ADAMTSL1: variants seen among roughly 807,000 people sequenced by gnomAD.
The protein encoded by ADAMTSL1 is ADAMTS-like protein 1.
A neutral mutation model predicts 201.8 loss-of-function variants in ADAMTSL1; 126 were observed. That is an observed-to-expected ratio of 0.62 (90% confidence interval 0.54 to 0.72). The LOEUF is 0.72. Ranked by LOEUF, ADAMTSL1 falls within the 30% of genes least tolerant of loss-of-function variation. ADAMTSL1 has a pLI of 0.00. For synonymous variants in ADAMTSL1, 1,121 were observed against 903.4 expected (o/e 1.24, Z -4.32); for missense variants, 2,679 against 2,277.8 (o/e 1.18, Z -3.59).
chr9:18,554,257 A>G (rs1820971155), intron 3 of ADAMTSL1, among the ~76,000 whole-genome samples: 1 of 151,166 alleles, frequency 6.6e-6, no homozygotes, highest in African/African-American at 2.4e-5. Flanking sequence ...AAATTTTTTT[A>G]TTTTGCATCC....
At chr9:18,617,504 G>C (rs1050920905) in intron 4 of ADAMTSL1, among the ~76,000 whole-genome samples, 31 of 151,624 alleles carry the variant, frequency 2.0e-4, no homozygotes, top group African/African-American at 6.5e-4. Context: ...TTTTGGCAGG[G>C]GGGAGGGGGC....
chr9:18,328,511 C>T (rs1459260658), intron 2 of ADAMTSL1, among the ~76,000 whole-genome samples: 1 of 152,136 alleles, frequency 6.6e-6, no homozygotes, highest in Non-Finnish European at 1.5e-5. Context: ...ATAAGTATCA[C>T]CCCATGTTTA....
chr9:18,846,244 C>G (rs895411008), intron 23 of ADAMTSL1, among the ~76,000 whole-genome samples: 5 of 152,082 alleles, frequency 3.3e-5, no homozygotes, highest in Admixed American at 3.3e-4. Context: ...CACTTAGAGT[C>G]TGATGGGAAA....
chr9:18,217,046 A>G (rs1830080769), intron 2 of ADAMTSL1, among the ~76,000 whole-genome samples: 1 of 152,152 alleles, frequency 6.6e-6, no homozygotes, highest in South Asian at 2.1e-4. Context: ...AATAAAGGAC[A>G]TGAGCTTTAA....
chr9:18,164,902 A>C (rs1827566284), intron 2 of ADAMTSL1, among the ~76,000 whole-genome samples: 2 of 151,824 alleles, frequency 1.3e-5, no homozygotes, highest in South Asian at 4.1e-4. Context: ...TTCACAAGGC[A>C]CTTCTTATTG....
At chr9:18,893,241 C>T (rs954562612) in intron 26 of ADAMTSL1, among the ~76,000 whole-genome samples, 1 of 152,078 alleles carries the variant, frequency 6.6e-6, no homozygotes, top group Admixed American at 6.5e-5. Flanking sequence ...CAAGACAGCT[C>T]TGGTTCCAGG....
At chr9:18,460,400 C>T (rs1286728155) in intron 2 of ADAMTSL1, among the ~76,000 whole-genome samples, 1 of 152,142 alleles carries the variant, frequency 6.6e-6, no homozygotes, top group Non-Finnish European at 1.5e-5. Context: ...TTTTCAATTT[C>T]AACTTCTTCA....
chr9:18,184,148 C>T (rs914224072), intron 2 of ADAMTSL1, among the ~76,000 whole-genome samples: 7 of 152,308 alleles, frequency 4.6e-5, no homozygotes, highest in Middle Eastern at 3.4e-3. Flanking sequence ...GTTCATTCCA[C>T]TTGCTGCATA....
intron 1 of ADAMTSL1, among the ~76,000 whole-genome samples, chr9:17,941,995 A>G (rs1182366523): frequency 6.6e-6 from 1 of 152,118 alleles, no homozygotes; most frequent in African/African-American, 2.4e-5. Flanking sequence ...GTCACATTGG[A>G]GGTTACAATT....
intron 4 of ADAMTSL1, among the ~76,000 whole-genome samples, chr9:18,596,422 A>T (rs963466450): frequency 1.4e-4 from 21 of 152,094 alleles, no homozygotes; most frequent in African/African-American, 5.1e-4. Flanking sequence ...CAATTTTTTC[A>T]TCTGTACAAA....
intron 2 of ADAMTSL1, among the ~76,000 whole-genome samples, chr9:18,510,449 T>C (rs529892022): frequency 2.0e-5 from 3 of 152,280 alleles, no homozygotes; most frequent in South Asian, 2.1e-4. Flanking sequence ...CAGTACTTGA[T>C]ACTGGAGAAA....
chr9:18,314,782 CTTTTTTTT>C (rs776046209), intron 2 of ADAMTSL1, among the ~76,000 whole-genome samples: 19 of 49,846 alleles, frequency 3.8e-4, no homozygotes, highest in African/African-American at 7.4e-4. Flanking sequence ...CGGCAGCGTG[CTTTTTTTT>C]TTTTTTTTTT....
chr9:18,819,092 G>C (rs147105316), intron 21 of ADAMTSL1, among the ~76,000 whole-genome samples: 3 of 152,172 alleles, frequency 2.0e-5, no homozygotes, highest in Admixed American at 1.3e-4. Flanking sequence ...ATGCTTTGGC[G>C]ATGAAACACT....
chr9:18,721,592 G>A lies in ADAMTSL1; in HGVS notation c.1933G>A (p.Glu645Lys), dbSNP rs1397184313. 6.2e-7 allele frequency: 1 copy of A among 1,613,960 alleles called. No individual in the cohort carries two copies. The highest frequency in any genetic ancestry group is 1.7e-5 in the Admixed American group (1 of 60,010). ...CAAACAGACTCGGGAGCCTGCTGAG[G>A]AGAACCTGTGCGTGACCAGCCGCCG... ...LNKQTREPAE[E>K]NLCVTSRRPP... The change falls in exon 15 of 29, where the codon GAG becomes AAG. Residue 645 changes from glutamate (E) to lysine (K), a missense_variant. Physicochemically the swap from Glu to Lys is moderately conservative, Grantham distance 56. Coordinates refer to ENST00000380548, the MANE Select transcript of ADAMTSL1 (RefSeq NM_001040272.6).
intron 1 of ADAMTSL1, among the ~76,000 whole-genome samples, chr9:18,492,087 A>G (rs1427998215): frequency 2.0e-5 from 3 of 152,328 alleles, no homozygotes; most frequent in South Asian, 4.1e-4. Flanking sequence ...TTGATAAAGG[A>G]CTTAATATGT....
At chr9:18,310,828 AT>A (rs1834122895) in intron 2 of ADAMTSL1, among the ~76,000 whole-genome samples, 1 of 152,182 alleles carries the variant, frequency 6.6e-6, no homozygotes, top group South Asian at 2.1e-4. Context: ...CAGAAATACC[AT>A]TTGACTCAGC....
chr9:18,326,584 A>G (rs1046358127), intron 2 of ADAMTSL1, among the ~76,000 whole-genome samples: 3 of 152,246 alleles, frequency 2.0e-5, no homozygotes, highest in Admixed American at 2.0e-4. Flanking sequence ...TTTAATATAT[A>G]TCAGGCATCT....
chr9:18,214,541 A>C (rs2132330444), intron 2 of ADAMTSL1, among the ~76,000 whole-genome samples: 1 of 152,346 alleles, frequency 6.6e-6, no homozygotes, highest in Middle Eastern at 3.4e-3. Flanking sequence ...GTTTAGATTA[A>C]ATTTAGAAAA....
chr9:18,429,826 G>C (rs1819402942), intron 2 of ADAMTSL1, among the ~76,000 whole-genome samples: 1 of 152,002 alleles, frequency 6.6e-6, no homozygotes, highest in Admixed American at 6.6e-5. Context: ...GTCTCGCTCT[G>C]TCTCTCAGGC....
Sources: allele counts gnomAD v4.1 joint callset (sites outside exome capture counted in the v4.1 genomes callset), GRCh38; gene constraint gnomAD v4.1.1; transcripts MANE v1.5; gene names NCBI Gene and HGNC (gene_info 2026-07-23, HGNC 2026-07-21).